SORCS2: variants seen among roughly 807,000 people sequenced by gnomAD.
The protein encoded by SORCS2 is sortilin related VPS10 domain containing receptor 2, also known as VPS10 domain-containing receptor SorCS2.
A neutral mutation model predicts 141.6 loss-of-function variants in SORCS2; 100 were observed. The ratio of observed to expected loss-of-function variants is 0.71; its 90% CI spans 0.60 to 0.83. SORCS2 has a LOEUF of 0.83. Ranked by LOEUF, SORCS2 falls within the 40% of genes least tolerant of loss-of-function variation. The pLI is 0.00. For missense variants in SORCS2, 1,646 were observed against 1,560.2 expected, an observed-to-expected ratio of 1.05 and a Z score of -0.93; for synonymous variants, 789 against 676.9, an observed-to-expected ratio of 1.17 and a Z score of -2.57.
intron 2 of SORCS2, among the ~76,000 whole-genome samples, chr4:7,481,615 C>T (rs1190027159): frequency 6.6e-6 from 1 of 152,068 alleles, no homozygotes; most frequent in Non-Finnish European, 1.5e-5. Flanking sequence ...GAGGCTCTGC[C>T]TGTCCATATT....
chr4:7,690,692 A>G (rs1309816155), intron 11 of SORCS2, among the ~76,000 whole-genome samples: 2 of 152,114 alleles, frequency 1.3e-5, no homozygotes, highest in East Asian at 3.8e-4. Context: ...CGAATGAATG[A>G]TGAATGGATA....
At chr4:7,624,284 A>T (rs1347956394) in intron 3 of SORCS2, among the ~76,000 whole-genome samples, 3 of 152,118 alleles carry the variant, frequency 2.0e-5, no homozygotes, top group South Asian at 4.1e-4. Flanking sequence ...GGCCTTTCTT[A>T]TTGGAGTCTA....
intron 4 of SORCS2, among the ~76,000 whole-genome samples, chr4:7,647,318 G>C (rs1266625802): frequency 6.6e-6 from 1 of 152,148 alleles, no homozygotes; most frequent in Non-Finnish European, 1.5e-5. Context: ...AAAGGAGGGT[G>C]GCTTAACAAC....
At chr4:7,658,784 C>G (rs549337096) in intron 5 of SORCS2, among the ~76,000 whole-genome samples, 2 of 152,190 alleles carry the variant, frequency 1.3e-5, no homozygotes, top group Admixed American at 1.3e-4. Flanking sequence ...TGGTGCCAGG[C>G]AGGTTGGGAG....
chr4:7,340,803 G>A lies in SORCS2; in HGVS notation c.481-55485G>A, dbSNP rs562747815. On this transcript the variant is annotated intron_variant, in intron 1 of 26. Coordinates refer to ENST00000507866, the MANE Select transcript of SORCS2 (RefSeq NM_020777.3). The stretch of plus-strand genomic sequence containing the variant: ...GTGACGCCCCCTATTCCCATCCTGC[G>A]CTTGGGACCCATTGAGAAATAAGAC... Among the ~76,000 whole-genome samples the A allele has an allele frequency of 1.3e-4, 20 of 152,324 alleles. No individual in the cohort carries two copies. The South Asian group carries it at 1.7e-3, about 13-fold the overall frequency.
At chr4:7,425,388 C>G (rs566950763) in intron 2 of SORCS2, among the ~76,000 whole-genome samples, 11 of 152,340 alleles carry the variant, frequency 7.2e-5, no homozygotes, top group Non-Finnish European at 1.5e-4. Flanking sequence ...GGAAGGTGCA[C>G]TCGCTTCTGC....
In SORCS2 at chr4:7,689,452, G is replaced by T. The variant is rs1191832341; in HGVS notation, c.1489-34G>T. On this transcript the variant is annotated intron_variant, in intron 10 of 26. Transcript: ENST00000507866. The stretch of plus-strand genomic sequence containing the variant: ...TTTTCCTAAGGATGCTCCTACTCAT[G>T]TGTTGACAGTTGCGTCCTTTCTCTT... 1.9e-6 allele frequency: 3 copies of T among 1,552,076 alleles called. No homozygotes were observed. The South Asian group carries it at 3.6e-5, about 18-fold the overall frequency.
rs904291093 is a variant in SORCS2, at chr4:7,485,423, C to T, written c.549-46107C>T. ...TGGCTCAGGCTCTGCTGAGGCTACT[C>T]CACCCACACCAGGTTGGCTCTGTGG... is the stretch of plus-strand genomic sequence containing the variant. On this transcript the variant is annotated intron_variant, in intron 2 of 26. Coordinates refer to ENST00000507866, the MANE Select transcript of SORCS2 (RefSeq NM_020777.3). Among the ~76,000 whole-genome samples, 7 of 152,376 alleles carry T rather than the reference C, an allele frequency of 4.6e-5. No individual in the cohort carries two copies. In the East Asian group the frequency reaches 1.4e-3, roughly 29 times the overall value.
chr4:7,399,997 T>G (rs995425438), intron 2 of SORCS2, among the ~76,000 whole-genome samples: 3 of 152,106 alleles, frequency 2.0e-5, no homozygotes, highest in African/African-American at 7.2e-5. Context: ...GACTTTGCAT[T>G]TCTAACAAGC....
chr4:7,545,200 C>A (rs1319316126), intron 3 of SORCS2, among the ~76,000 whole-genome samples: 1 of 151,706 alleles, frequency 6.6e-6, no homozygotes, highest in African/African-American at 2.4e-5. Context: ...TCTCCTGCCC[C>A]TGGAACTAAT....
intron 2 of SORCS2, among the ~76,000 whole-genome samples, chr4:7,463,831 G>A (rs1729456659): frequency 6.6e-6 from 1 of 152,146 alleles, no homozygotes; most frequent in Non-Finnish European, 1.5e-5. Flanking sequence ...GTGCCGGACT[G>A]GTGTGGAATT....
At chr4:7,545,240 CT>C (rs1713165692) in intron 3 of SORCS2, among the ~76,000 whole-genome samples, 1 of 152,026 alleles carries the variant, frequency 6.6e-6, no homozygotes, top group Admixed American at 6.5e-5. Flanking sequence ...TCTGGAGTTC[CT>C]CCCTCTTCTG....
intron 3 of SORCS2, among the ~76,000 whole-genome samples, chr4:7,635,182 C>A (rs1391256880): frequency 6.6e-6 from 1 of 152,196 alleles, no homozygotes; most frequent in African/African-American, 2.4e-5. Context: ...CAGACAGGAA[C>A]TGGGAGGCTC....
At chr4:7,361,388 C>T (rs1405832993) in intron 1 of SORCS2, among the ~76,000 whole-genome samples, 2 of 152,196 alleles carry the variant, frequency 1.3e-5, no homozygotes, top group African/African-American at 4.8e-5. Context: ...ACAGCGCACT[C>T]CTTGGGAAGT....
chr4:7,623,138 C>T (rs1424790410), intron 3 of SORCS2, among the ~76,000 whole-genome samples: 5 of 152,120 alleles, frequency 3.3e-5, no homozygotes, highest in African/African-American at 7.2e-5. Context: ...GATACCCCAT[C>T]GCTGATAATC....
intron 2 of SORCS2, among the ~76,000 whole-genome samples, chr4:7,401,246 A>G (rs68191574): frequency 0.15 from 22,286 of 150,530 alleles, 1,758 homozygotes; most frequent in Non-Finnish European, 0.18. Context: ...TGGACAGATG[A>G]ATGAATGGAT....
At chr4:7,659,512 G>T (rs1452218802) in intron 5 of SORCS2, among the ~76,000 whole-genome samples, 5 of 151,428 alleles carry the variant, frequency 3.3e-5, no homozygotes, top group African/African-American at 7.4e-5. Flanking sequence ...TGAATGGATG[G>T]GTGGATGTCC....
In SORCS2 at chr4:7,469,364, T is replaced by C. The variant is rs569680449; in HGVS notation, c.549-62166T>C. Among the ~76,000 whole-genome samples, 22 of 152,292 alleles carry C rather than the reference T, an allele frequency of 1.4e-4. No individual in the cohort carries two copies. In the South Asian group the frequency reaches 2.9e-3, roughly 20 times the overall value. ...AGAGACAGTGCTCACAAAAGTTCTT[T>C]CTCCCCGAAATTCAGTGCTTTGGGA... On this transcript the variant is annotated intron_variant, in intron 2 of 26. Coordinates refer to ENST00000507866, the MANE Select transcript of SORCS2 (RefSeq NM_020777.3).
intron 4 of SORCS2, among the ~76,000 whole-genome samples, chr4:7,650,424 C>T (rs1721358951): frequency 6.6e-6 from 1 of 152,188 alleles, no homozygotes. Context: ...TCCCCAACAT[C>T]CCTCAAAGCG....
Sources: allele counts gnomAD v4.1 joint callset (sites outside exome capture counted in the v4.1 genomes callset), GRCh38; gene constraint gnomAD v4.1.1; transcripts MANE v1.5; gene names NCBI Gene and HGNC (gene_info 2026-07-23, HGNC 2026-07-21).